The following GRIA1 variants were observed in gnomAD, a reference collection of about 807,000 sequenced individuals.
GRIA1 encodes the protein glutamate ionotropic receptor AMPA type subunit 1.
In GRIA1, 31 loss-of-function variants were observed where a neutral mutation model predicts 99.2. The observed-to-expected ratio is 0.31, with a 90% CI of 0.23 to 0.42. GRIA1 has a LOEUF of 0.42. Ranked by LOEUF, GRIA1 falls within the 10% of genes least tolerant of loss-of-function variation. GRIA1 has a pLI of 1.00. For synonymous variants in GRIA1, 438 were observed against 432.4 expected (o/e 1.01, Z -0.16); for missense variants, 782 against 1,157.5 (o/e 0.68, Z 4.71).
chr5:153,716,033 C>G (rs1759644746), intron 11 of GRIA1, among the ~76,000 whole-genome samples: 1 of 152,194 alleles, frequency 6.6e-6, no homozygotes. Context: ...ATAAAGTTAC[C>G]TTGTCATCCT....
chr5:153,556,237 G>C (rs778683195), intron 2 of GRIA1, among the ~76,000 whole-genome samples: 10 of 151,980 alleles, frequency 6.6e-5, no homozygotes, highest in Non-Finnish European at 1.5e-4. Flanking sequence ...TGCACAGTGT[G>C]GGGGCGAAAG....
intron 8 of GRIA1, among the ~76,000 whole-genome samples, chr5:153,690,369 G>A (rs1479413810): frequency 6.6e-6 from 1 of 152,152 alleles, no homozygotes; most frequent in Non-Finnish European, 1.5e-5. Flanking sequence ...TTTTAAGTCT[G>A]CTTTAGTCTT....
chr5:153,514,731 T>C lies in GRIA1; in HGVS notation c.220+20666T>C, dbSNP rs80010196. ...TTTCTATTTCTGTGAAGAATGATGT[T>C]GGAATTTTGACAGAGATTGCATTTA... On this transcript the variant is annotated intron_variant, in intron 2 of 15. Transcript: ENST00000285900. 7.2e-3 allele frequency among the ~76,000 whole-genome samples: 1,100 copies of C among 152,314 alleles called. 19 individuals carry two copies. The highest frequency in any genetic ancestry group is 0.025 in the African/African-American group (1,041 of 41,570).
intron 5 of GRIA1, among the ~76,000 whole-genome samples, chr5:153,660,010 A>T (rs1755242456): frequency 6.6e-6 from 1 of 152,144 alleles, no homozygotes; most frequent in African/African-American, 2.4e-5. Flanking sequence ...ATGTCATAAT[A>T]CTCCTATGAA....
chr5:153,764,652 C>T lies in GRIA1; in HGVS notation c.2022+20C>T. ...TTCAGGGTAGGGACATCCTTTGTCCCAAGACACTTTCACAAAAGGGAACCA... is the reference window on the plus strand; with the variant it reads ...TTCAGGGTAGGGACATCCTTTGTCCTAAGACACTTTCACAAAAGGGAACCA... On this transcript the variant is annotated intron_variant, in intron 12 of 15. Transcript: ENST00000285900. The T allele has an allele frequency of 1.3e-6, 2 of 1,576,834 alleles. No homozygotes were observed. Among genetic ancestry groups the T allele is most frequent in the South Asian group, 1.1e-5 (1 of 90,118 alleles).
chr5:153,775,652 C>T (rs1471928758), intron 13 of GRIA1, among the ~76,000 whole-genome samples: 2 of 151,352 alleles, frequency 1.3e-5, no homozygotes, highest in African/African-American at 4.9e-5. Context: ...GTGAGAGATG[C>T]AATCCCAGTG....
chr5:153,792,351 C>T (rs1198165563), intron 13 of GRIA1, among the ~76,000 whole-genome samples: 2 of 152,188 alleles, frequency 1.3e-5, no homozygotes, highest in African/African-American at 4.8e-5. Context: ...ACAGTGAGGA[C>T]TTTATTTCTA....
chr5:153,596,997 C>T (rs557164431), intron 2 of GRIA1, among the ~76,000 whole-genome samples: 21 of 152,308 alleles, frequency 1.4e-4, no homozygotes, highest in African/African-American at 4.3e-4. Context: ...GTCCCGTGGC[C>T]TCCCCAGGCA....
At chr5:153,600,416 A>AAAAAT (rs10677490) in intron 2 of GRIA1, among the ~76,000 whole-genome samples, 1 of 82,860 alleles carries the variant, frequency 1.2e-5, no homozygotes, top group African/African-American at 4.7e-5. Flanking sequence ...AAAAAAAAAA[A>AAAAAT]GTATGGAGTT....
intron 2 of GRIA1, among the ~76,000 whole-genome samples, chr5:153,560,747 T>G (rs1190426906): frequency 2.0e-5 from 3 of 152,220 alleles, no homozygotes; most frequent in African/African-American, 7.2e-5. Context: ...ACTAGTCTAA[T>G]ACAGAGGCTT....
intron 3 of GRIA1, among the ~76,000 whole-genome samples, chr5:153,648,452 G>A (rs1345769340): frequency 5.3e-5 from 8 of 152,160 alleles, no homozygotes; most frequent in African/African-American, 1.9e-4. Context: ...TCAGAACTCA[G>A]AGCTCAGAGC....
At chr5:153,491,033 A>G in intron 1 of GRIA1, 63 bp downstream of exon 1, 1 of 1,462,312 alleles carries the variant, frequency 6.8e-7, no homozygotes, top group Non-Finnish European at 9.6e-7. Flanking sequence ...TTTTGGGGAT[A>G]GGGGTTGTGT....
At chr5:153,802,145 A>T (rs185067976) in intron 14 of GRIA1, among the ~76,000 whole-genome samples, 4 of 152,302 alleles carry the variant, frequency 2.6e-5, no homozygotes, top group Non-Finnish European at 4.4e-5. Context: ...AGGCTTGGAA[A>T]ATGTATAAAT....
chr5:153,745,250 C>G (rs1046486127), intron 11 of GRIA1, among the ~76,000 whole-genome samples: 2 of 151,746 alleles, frequency 1.3e-5, no homozygotes, highest in Non-Finnish European at 2.9e-5. Flanking sequence ...TCCCTTCCTT[C>G]TCTCTTCCTG....
At chr5:153,706,124 G>GTTTT in intron 11 of GRIA1, 57 bp downstream of exon 11, 2 of 1,498,022 alleles carry the variant, frequency 1.3e-6, no homozygotes, top group Non-Finnish European at 1.8e-6. Flanking sequence ...TTGTTTGTTT[G>GTTTT]TTTGTTTGTT....
intron 11 of GRIA1, among the ~76,000 whole-genome samples, chr5:153,741,924 A>T (rs1761819319): frequency 7.9e-6 from 1 of 126,472 alleles, no homozygotes. Context: ...TATAAAACTA[A>T]AGCTTTTTTT....
intron 11 of GRIA1, among the ~76,000 whole-genome samples, chr5:153,729,754 G>C (rs953742366): frequency 2.6e-5 from 4 of 152,012 alleles, no homozygotes; most frequent in Non-Finnish European, 5.9e-5. Context: ...AATCAAAACT[G>C]TACCAGCAAA....
intron 2 of GRIA1, among the ~76,000 whole-genome samples, chr5:153,598,976 G>A (rs1413070322): frequency 1.3e-5 from 2 of 152,150 alleles, no homozygotes; most frequent in Admixed American, 6.5e-5. Context: ...CCACCTCCCA[G>A]GTTCATGCCA....
intron 2 of GRIA1, among the ~76,000 whole-genome samples, chr5:153,583,969 A>G (rs1195676024): frequency 1.3e-5 from 2 of 152,178 alleles, no homozygotes; most frequent in African/African-American, 4.8e-5. Flanking sequence ...ACTGGTCTCC[A>G]AGGACCAGCA....
Sources: allele counts gnomAD v4.1 joint callset (sites outside exome capture counted in the v4.1 genomes callset), GRCh38; gene constraint gnomAD v4.1.1; transcripts MANE v1.5; gene names NCBI Gene and HGNC (gene_info 2026-07-23, HGNC 2026-07-21).